LRRC4C: variants seen among roughly 807,000 people sequenced by gnomAD.
LRRC4C encodes leucine-rich repeat-containing protein 4C.
In LRRC4C, 5 loss-of-function variants were observed where a neutral mutation model predicts 33.6. The ratio of observed to expected loss-of-function variants is 0.15; its 90% CI spans 0.08 to 0.31. LRRC4C has a LOEUF of 0.31. Ranked by LOEUF, LRRC4C falls within the 10% of genes least tolerant of loss-of-function variation. LRRC4C has a pLI of 1.00. For synonymous variants in LRRC4C, 329 were observed against 302.0 expected, an observed-to-expected ratio of 1.09 and a Z score of -0.93; for missense variants, 560 against 796.7, an observed-to-expected ratio of 0.70 and a Z score of 3.58.
In LRRC4C at chr11:41,109,938, T is replaced by C. The variant is rs542333535; in HGVS notation, c.-495-176215A>G. On this transcript the variant is annotated intron_variant, in intron 1 of 6. Coordinates refer to ENST00000528697, the MANE Select transcript of LRRC4C (RefSeq NM_001258419.2). The stretch of plus-strand genomic sequence containing the variant: ...TCTTCGAGATCATTTCTTGAGACAA[T>C]GGTCTTTATAATTTTTCCTCTACAA... 3.2e-3 allele frequency among the ~76,000 whole-genome samples: 487 copies of C among 152,020 alleles called. 3 individuals are homozygous for C. The highest frequency in any genetic ancestry group is 5.2e-3 in the Non-Finnish European group (355 of 67,970).
At chr11:40,367,110 C>G (rs960577573) in intron 3 of LRRC4C, among the ~76,000 whole-genome samples, 4 of 152,078 alleles carry the variant, frequency 2.6e-5, no homozygotes, top group African/African-American at 9.7e-5. Context: ...TTTTATCTCA[C>G]TTTTCATTGC....
At chr11:40,687,713 G>T (rs1014052061) in intron 2 of LRRC4C, among the ~76,000 whole-genome samples, 1 of 151,984 alleles carries the variant, frequency 6.6e-6, no homozygotes, top group East Asian at 1.9e-4. Context: ...CACTTATCAA[G>T]ACAAAACCTG....
chr11:40,701,452 A>T lies in LRRC4C; in HGVS notation c.-406-53174T>A, dbSNP rs1156489728. ...AGCACATCCAGTGAAGGTGGAAAAAAAATAAAAAACAATTTATATTTTTAT... is the reference window on the plus strand; with the variant it reads ...AGCACATCCAGTGAAGGTGGAAAAATAATAAAAAACAATTTATATTTTTAT... On this transcript the variant is annotated intron_variant, in intron 2 of 6. Transcript: ENST00000528697. Among the ~76,000 whole-genome samples the T allele has an allele frequency of 2.6e-5, 4 of 151,960 alleles. No individual in the cohort carries two copies. The East Asian group carries it at 7.7e-4, about 29-fold the overall frequency.
At chr11:40,871,630 A>G (rs996413408) in intron 2 of LRRC4C, among the ~76,000 whole-genome samples, 10 of 152,032 alleles carry the variant, frequency 6.6e-5, no homozygotes, top group Non-Finnish European at 1.0e-4. Flanking sequence ...CTTCCACACT[A>G]CATCCAAATG....
intron 3 of LRRC4C, among the ~76,000 whole-genome samples, chr11:40,415,482 A>G (rs1044854921): frequency 1.3e-5 from 2 of 152,160 alleles, no homozygotes; most frequent in Non-Finnish European, 1.5e-5. Context: ...CAGACCTGCA[A>G]TATGTGAGAG....
chr11:40,904,729 T>C (rs1956344860), intron 2 of LRRC4C, among the ~76,000 whole-genome samples: 1 of 152,156 alleles, frequency 6.6e-6, no homozygotes, highest in Non-Finnish European at 1.5e-5. Context: ...CTCCCCTCCC[T>C]GTTTAGGTTT....
chr11:40,431,910 C>T (rs1950951657), intron 3 of LRRC4C, among the ~76,000 whole-genome samples: 2 of 152,158 alleles, frequency 1.3e-5, no homozygotes, highest in Admixed American at 1.3e-4. Context: ...TGAAGATTTG[C>T]TACAACCTAC....
intron 1 of LRRC4C, among the ~76,000 whole-genome samples, chr11:41,075,021 T>TA (rs202083487): frequency 0.32 from 11,512 of 36,528 alleles, 1,062 homozygotes; most frequent in East Asian, 0.45. Flanking sequence ...TTTCTTTTTT[T>TA]TTTTTTTTTT....
intron 1 of LRRC4C, among the ~76,000 whole-genome samples, chr11:41,377,525 A>T (rs529016546): frequency 1.3e-5 from 2 of 152,310 alleles, no homozygotes; most frequent in East Asian, 3.9e-4. Context: ...TAGATATTTG[A>T]GGTAGATAAG....
intron 2 of LRRC4C, among the ~76,000 whole-genome samples, chr11:40,892,670 G>A (rs954603021): frequency 6.6e-6 from 1 of 152,172 alleles, no homozygotes. Flanking sequence ...ATTATGCTTA[G>A]TGAAATAATC....
intron 3 of LRRC4C, among the ~76,000 whole-genome samples, chr11:40,535,116 G>T (rs189725151): frequency 6.6e-6 from 1 of 152,132 alleles, no homozygotes; most frequent in African/African-American, 2.4e-5. Flanking sequence ...TGTATTATGG[G>T]ACTAAATTTG....
intron 4 of LRRC4C, among the ~76,000 whole-genome samples, chr11:40,268,062 C>T (rs973546841): frequency 2.6e-5 from 4 of 152,084 alleles, no homozygotes; most frequent in African/African-American, 9.7e-5. Context: ...GTACAGCTCC[C>T]GAGTTAGGTA....
intron 2 of LRRC4C, among the ~76,000 whole-genome samples, chr11:40,665,321 AAAAAATATATATATATATAT>A (rs1943692976): frequency 7.7e-5 from 1 of 13,032 alleles, no homozygotes; most frequent in South Asian, 2.1e-3. Context: ...AAAAAAAAAA[AAAAAATATATATATATATAT>A]ATATATATAT....
chr11:40,610,843 T>C (rs1961144241), intron 3 of LRRC4C, among the ~76,000 whole-genome samples: 1 of 151,766 alleles, frequency 6.6e-6, no homozygotes, highest in Non-Finnish European at 1.5e-5. Flanking sequence ...TACACTGAAA[T>C]ATATAAAATA....
At chr11:41,079,121 A>G (rs1939373328) in intron 1 of LRRC4C, among the ~76,000 whole-genome samples, 1 of 152,172 alleles carries the variant, frequency 6.6e-6, no homozygotes, top group Non-Finnish European at 1.5e-5. Context: ...AAAGGCCCAT[A>G]TCTTTGGCCA....
intron 3 of LRRC4C, among the ~76,000 whole-genome samples, chr11:40,342,908 G>A (rs1000224821): frequency 6.6e-6 from 1 of 151,796 alleles, no homozygotes; most frequent in Non-Finnish European, 1.5e-5. Flanking sequence ...CCATCTTTTA[G>A]TCTAGTCATC....
At chr11:40,462,074 T>C (rs1952424654) in intron 3 of LRRC4C, among the ~76,000 whole-genome samples, 1 of 152,044 alleles carries the variant, frequency 6.6e-6, no homozygotes, top group Non-Finnish European at 1.5e-5. Context: ...CTGTTCAATA[T>C]AGTGTATTTT....
chr11:41,178,234 CAG>C (rs2136135871), intron 1 of LRRC4C, among the ~76,000 whole-genome samples: 1 of 152,282 alleles, frequency 6.6e-6, no homozygotes, highest in Non-Finnish European at 1.5e-5. Flanking sequence ...TTTGATAATG[CAG>C]GACAACCAAA....
chr11:40,149,291 A>C (rs1412755662), intron 5 of LRRC4C, among the ~76,000 whole-genome samples: 2 of 152,190 alleles, frequency 1.3e-5, no homozygotes, highest in Non-Finnish European at 2.9e-5. Context: ...TAGCCATTTT[A>C]ACAATAATGA....
Sources: gnomAD v4.1 joint callset for allele counts (sites outside exome capture counted in the v4.1 genomes callset) on GRCh38, gnomAD v4.1.1 for gene constraint, MANE v1.5 for transcripts, NCBI Gene and HGNC (gene_info 2026-07-23, HGNC 2026-07-21) for gene names.